ARSB: variants seen among roughly 807,000 people sequenced by gnomAD.
ARSB encodes the protein arylsulfatase B.
A neutral mutation model predicts 50.9 loss-of-function variants in ARSB; 41 were observed. The observed-to-expected ratio is 0.81, with a 90% CI of 0.63 to 1.04. The LOEUF (loss-of-function observed/expected upper bound fraction) is 1.04, where lower values mean the gene tolerates loss of function less well. Ranked by LOEUF, ARSB falls within the 50% of genes least tolerant of loss-of-function variation. The probability of loss-of-function intolerance (pLI) is 0.00; values close to 1 mark genes in which losing one functional copy is unlikely to be tolerated. For synonymous variants in ARSB, 269 were observed against 284.8 expected (o/e 0.94, Z 0.56); for missense variants, 672 against 693.3 (o/e 0.97, Z 0.35).
intron 6 of ARSB, among the ~76,000 whole-genome samples, chr5:78,824,373 A>G (rs530859341): frequency 2.2e-4 from 34 of 152,372 alleles, no homozygotes; most frequent in African/African-American, 7.9e-4. Flanking sequence ...TTTAAATTCT[A>G]AAGATTGAGC....
chr5:78,822,016 A>G (rs1473068410), intron 6 of ARSB, among the ~76,000 whole-genome samples: 1 of 152,200 alleles, frequency 6.6e-6, no homozygotes, highest in Non-Finnish European at 1.5e-5. Context: ...TCCATGATCT[A>G]TGGAACATTT....
At chr5:78,859,450 GGGAC>G (rs1746318290) in intron 5 of ARSB, among the ~76,000 whole-genome samples, 2 of 152,118 alleles carry the variant, frequency 1.3e-5, no homozygotes, top group Non-Finnish European at 2.9e-5. Context: ...ATAAACTTCA[GGGAC>G]TAATATGCCT....
intron 3 of ARSB, among the ~76,000 whole-genome samples, chr5:78,962,459 G>T (rs1029273446): frequency 6.6e-6 from 1 of 151,316 alleles, no homozygotes; most frequent in African/African-American, 2.4e-5. Flanking sequence ...GAGAGTGATC[G>T]CCAAAAGTGG....
intron 5 of ARSB, among the ~76,000 whole-genome samples, chr5:78,871,260 A>G (rs1747154303): frequency 6.6e-6 from 1 of 152,138 alleles, no homozygotes; most frequent in South Asian, 2.1e-4. Context: ...TTACAGGTTC[A>G]ATGCCAACCC....
rs1554032222 is a variant in ARSB at position 78,985,100 on chromosome 5, A to C, written c.149T>G (p.Leu50Trp). ...GTTCCAGCCTAGGTCGTCTGCCAGC[A>C]AGAAGACCAGGTGGGGCGGCCGGCT... is the stretch of plus-strand genomic sequence containing the variant. ...GASRPPHLVF[L>W]LADDLGWNDV... Residue 50 changes from leucine (L) to tryptophan (W), a missense_variant, in exon 1 of 8, where the codon TTG becomes TGG. Leu to Trp is a moderately conservative substitution (Grantham distance 61, BLOSUM62 -2). Coordinates refer to ENST00000264914, the MANE Select transcript of ARSB (RefSeq NM_000046.5). The C allele has an allele frequency of 6.6e-7, 1 of 1,521,850 alleles. No individual in the cohort carries two copies. The highest frequency in any genetic ancestry group is 8.8e-7 in the Non-Finnish European group (1 of 1,133,500). The allele number at this position is 1,521,850 out of a possible 1,614,324, so 94.3% of individuals were successfully genotyped here.
intron 6 of ARSB, among the ~76,000 whole-genome samples, chr5:78,796,873 C>T (rs1485726205): frequency 1.5e-5 from 2 of 137,434 alleles, no homozygotes; most frequent in East Asian, 2.0e-4. Flanking sequence ...AGGATGGTCT[C>T]GATCTCTTTT....
At chr5:78,797,064 G>C (rs1467581010) in intron 6 of ARSB, among the ~76,000 whole-genome samples, 1 of 152,130 alleles carries the variant, frequency 6.6e-6, no homozygotes, top group Non-Finnish European at 1.5e-5. Flanking sequence ...TTTTTTAGTA[G>C]AGACGGGGTT....
chr5:78,941,699 G>T (rs1228039541), intron 4 of ARSB, among the ~76,000 whole-genome samples: 1 of 152,064 alleles, frequency 6.6e-6, no homozygotes, highest in Non-Finnish European at 1.5e-5. Context: ...TTTTATTGAG[G>T]ATTTTTGCAT....
chr5:78,975,364 T>C (rs6887828), intron 1 of ARSB, among the ~76,000 whole-genome samples: 35,378 of 152,206 alleles, frequency 0.23, 4,282 homozygotes, highest in Middle Eastern at 0.34. Flanking sequence ...TTACCCACGA[T>C]GCTCCAGCAC....
rs180836381 is a variant in ARSB, at chr5:78,794,553, C to G, written c.1214-12579G>C. ...ACCGATAAGGGAGGCAAAAAGAAAA[C>G]AGAAAACAAAGAAGAGAGGTGGGGT... On this transcript the variant is annotated intron_variant, in intron 6 of 7. Coordinates refer to ENST00000264914, the MANE Select transcript of ARSB (RefSeq NM_000046.5). Among the ~76,000 whole-genome samples, 77 of 151,840 alleles carry G rather than the reference C, an allele frequency of 5.1e-4. 1 individual carries two copies. The East Asian group carries it at 0.013, about 26-fold the overall frequency.
chr5:78,901,296 A>G (rs1357118512), intron 4 of ARSB, among the ~76,000 whole-genome samples: 1 of 152,104 alleles, frequency 6.6e-6, no homozygotes, highest in East Asian at 1.9e-4. Flanking sequence ...GCATGTTTGG[A>G]GGCAGGAGGG....
chr5:78,876,950 A>G (rs62379691), intron 5 of ARSB, among the ~76,000 whole-genome samples: 269 of 152,248 alleles, frequency 1.8e-3, no homozygotes, highest in Non-Finnish European at 3.0e-3. Flanking sequence ...TGAGAATCTA[A>G]CTAATGCCTT....
chr5:78,847,271 A>T (rs1745486497), intron 5 of ARSB, among the ~76,000 whole-genome samples: 1 of 151,890 alleles, frequency 6.6e-6, no homozygotes, highest in Non-Finnish European at 1.5e-5. Flanking sequence ...GGGCTATAGG[A>T]GCATGCCACC....
chr5:78,849,630 G>A (rs951845647), intron 5 of ARSB, among the ~76,000 whole-genome samples: 1 of 151,496 alleles, frequency 6.6e-6, no homozygotes, highest in African/African-American at 2.4e-5. Flanking sequence ...GGATGGCATT[G>A]AATCTATAAA....
At chr5:78,972,205 G>A (rs1400713388) in intron 1 of ARSB, among the ~76,000 whole-genome samples, 1 of 152,136 alleles carries the variant, frequency 6.6e-6, no homozygotes, top group African/African-American at 2.4e-5. Context: ...GGCTACATGA[G>A]TCTCTCTACC....
chr5:78,973,760 G>A (rs1302624642), intron 1 of ARSB, among the ~76,000 whole-genome samples: 1 of 152,194 alleles, frequency 6.6e-6, no homozygotes, highest in African/African-American at 2.4e-5. Flanking sequence ...CTGCACAGAA[G>A]GCGATAGATG....
chr5:78,873,742 G>A (rs996423466), intron 5 of ARSB, among the ~76,000 whole-genome samples: 25 of 151,704 alleles, frequency 1.6e-4, no homozygotes, highest in African/African-American at 4.4e-4. Context: ...TGATCCGCCC[G>A]CCTCGGCCTC....
chr5:78,984,784 G>A (rs888510126), intron 1 of ARSB, among the ~76,000 whole-genome samples, 153 bp downstream of exon 1: 2 of 152,004 alleles, frequency 1.3e-5, no homozygotes, highest in African/African-American at 2.4e-5. Context: ...CTGGAAGAGC[G>A]AGGTTGGGGC....
intron 6 of ARSB, among the ~76,000 whole-genome samples, chr5:78,782,767 G>A (rs16875905): frequency 0.02 from 3,122 of 152,326 alleles, 59 homozygotes; most frequent in East Asian, 0.056. Context: ...CTGTAGCAGA[G>A]AGATCTTGTT....
Sources: allele counts gnomAD v4.1 joint callset (sites outside exome capture counted in the v4.1 genomes callset), GRCh38; gene constraint gnomAD v4.1.1; transcripts MANE v1.5; gene names NCBI Gene and HGNC (gene_info 2026-07-23, HGNC 2026-07-21).